The following ADGRG1 variants were observed in gnomAD, a reference collection of about 807,000 sequenced individuals.
ADGRG1 encodes the protein adhesion G protein-coupled receptor G1.
Under a neutral mutation model 73.5 loss-of-function variants are expected in ADGRG1, and 53 were observed. The observed-to-expected ratio is 0.72, with a 90% confidence interval of 0.58 to 0.91. ADGRG1 has a LOEUF of 0.91. Among genes scored for constraint, ADGRG1 ranks in the 40% least tolerant of loss-of-function variants. The pLI is 0.00. For missense variants in ADGRG1, 795 were observed against 871.8 expected (o/e 0.91, Z 1.11); for synonymous variants, 394 against 374.4 (o/e 1.05, Z -0.60).
At chr16:57,630,123 C>A in intron 1 of ADGRG1, 1 of 616,860 alleles carries the variant, frequency 1.6e-6, no homozygotes, top group Non-Finnish European at 2.0e-6. Flanking sequence ...GTGGGTGAGG[C>A]AAATAAGGTA....
chr16:57,627,893 C>G (rs1044899715), upstream of ADGRG1: 2 of 971,466 alleles, frequency 2.1e-6, no homozygotes. Flanking sequence ...TCTGTCTGAG[C>G]TTTTGGGGCC....
chr16:57,655,068 A>T (rs1470465885), intron 5 of ADGRG1: 24 of 985,146 alleles, frequency 2.4e-5, no homozygotes, highest in Non-Finnish European at 2.9e-5. Context: ...GTTAGCTGGG[A>T]ACCACCCACA....
chr16:57,663,092 C>G (rs1462864701), intron 13 of ADGRG1: 2 of 983,884 alleles, frequency 2.0e-6, no homozygotes, highest in African/African-American at 3.5e-5. Flanking sequence ...TTGAGGGGTG[C>G]AAAATCTCAC....
upstream of ADGRG1, chr16:57,627,903 C>G (rs532792540): frequency 5.2e-6 from 5 of 967,002 alleles, no homozygotes; most frequent in African/African-American, 8.8e-5. Context: ...CTTTTGGGGC[C>G]ACTGGGAATG....
intron 1 of ADGRG1, chr16:57,630,206 C>T (rs1431907039): frequency 2.5e-6 from 1 of 395,752 alleles, no homozygotes; most frequent in Non-Finnish European, 3.4e-6. Context: ...CCCGGGCAGC[C>T]TGTTGGCTCC....
intron 10 of ADGRG1, chr16:57,659,176 G>A (rs1215253716): frequency 2.0e-6 from 2 of 985,302 alleles, no homozygotes; most frequent in African/African-American, 3.5e-5. Flanking sequence ...CCTGGCTGAG[G>A]CTTCTGTTAA....
At chr16:57,661,644 G>C in intron 12 of ADGRG1, 53 bp from the exon 13 acceptor site, 1 of 1,578,706 alleles carries the variant, frequency 6.3e-7, no homozygotes, top group Non-Finnish European at 8.6e-7. Flanking sequence ...CCACAGCCCA[G>C]GAAATGCTGC....
intron 2 of ADGRG1, chr16:57,621,429 C>G (rs2034789652): frequency 6.6e-6 from 1 of 152,146 alleles, no homozygotes; most frequent in Non-Finnish European, 1.5e-5. Flanking sequence ...TTATGATTCT[C>G]CCAGTGGGAA....
chr16:57,622,821 T>A (rs2035118678), upstream of ADGRG1: 2 of 985,376 alleles, frequency 2.0e-6, no homozygotes, highest in Non-Finnish European at 2.4e-6. Flanking sequence ...CACCCAGGCA[T>A]GCCTTCCCCG....
At chr16:57,629,891 C>A (rs1478287144) in intron 1 of ADGRG1, 1 of 422,658 alleles carries the variant, frequency 2.4e-6, no homozygotes, top group Non-Finnish European at 3.2e-6. Context: ...TCTCCCTGTG[C>A]CCCACTGGGA....
At chr16:57,654,270 G>A in intron 5 of ADGRG1, 137 bp downstream of exon 5, 2 of 831,410 alleles carry the variant, frequency 2.4e-6, no homozygotes, top group East Asian at 2.7e-5. Context: ...CCAGGCCCGA[G>A]GATAGCCATC....
intron 3 of ADGRG1, among the ~76,000 whole-genome samples, chr16:57,652,494 G>A (rs551222902): frequency 9.5e-4 from 145 of 152,298 alleles, no homozygotes; most frequent in Non-Finnish European, 1.6e-3. Flanking sequence ...ATTCTGCCCC[G>A]CAACCTGGGA....
rs927022146 is a variant in ADGRG1, at chr16:57,629,174, G to C, written c.-36+372G>C. ...TGGTGGTGAAATGGGGAAATGGGGG[G>C]GTCTTGGTATCTTGGTGGGATCTAG... On this transcript the variant is annotated intron_variant, in intron 1 of 13. Coordinates refer to ENST00000562631, the MANE Select transcript of ADGRG1 (RefSeq NM_201525.4). 10 of 984,942 alleles carry C rather than the reference G, an allele frequency of 1.0e-5. No individual in the cohort carries two copies. The African/African-American group carries it at 1.7e-4, about 17-fold the overall frequency. The allele number at this position is 984,942 out of a possible 1,614,324, so 61.0% of individuals were successfully genotyped here. A position where few individuals can be genotyped will look rare whatever the true frequency, so the allele number is the denominator to read the frequency against.
chr16:57,663,905 T>G lies in ADGRG1; in HGVS notation c.*323T>G. On this transcript the variant is annotated 3_prime_UTR_variant, in exon 14 of 14. Transcript: ENST00000562631. Reference sequence around the variant, plus strand: ...TTACAACCCCTGGGCCCAGCCCTCATTGCTGGGGGCCAGGCCTTGGATCTT... The same window carrying G: ...TTACAACCCCTGGGCCCAGCCCTCAGTGCTGGGGGCCAGGCCTTGGATCTT... 9 of 428,980 alleles carry G rather than the reference T, an allele frequency of 2.1e-5. No individual in the cohort carries two copies. The highest frequency in any genetic ancestry group is 9.9e-5 in the East Asian group (2 of 20,194). 26.6% of individuals were successfully genotyped at this position (428,980 alleles called of 1,614,324 possible). A position where few individuals can be genotyped will look rare whatever the true frequency, so the allele number is the denominator to read the frequency against.
At chr16:57,652,562 CT>C (rs1402911035) in intron 3 of ADGRG1, 5 of 904,220 alleles carry the variant, frequency 5.5e-6, no homozygotes, top group Non-Finnish European at 6.6e-6. Flanking sequence ...CCAGACTGAA[CT>C]TGGTCTTGTT....
chr16:57,647,624 A>C, intron 1 of ADGRG1: 1 of 353,934 alleles, frequency 2.8e-6, no homozygotes, highest in South Asian at 1.1e-4. Context: ...CTAGTGAGGG[A>C]GTCAGGATTT....
chr16:57,662,748 C>T (rs1314882393), intron 13 of ADGRG1, among the ~76,000 whole-genome samples: 1 of 152,098 alleles, frequency 6.6e-6, no homozygotes, highest in Non-Finnish European at 1.5e-5. Flanking sequence ...TGGCTTGATG[C>T]CAACAGGGTC....
At position 57,655,318 on chromosome 16, in the gene ADGRG1, G is replaced by GGTGT. The variant is rs34289485; in HGVS notation, c.769-67_769-64dup. ...AAGTGGCAGCGTCCAGGAACGGATG[G>GGTGT]GTGTGTGTGTGTGTGTGCTAGGGTG... On this transcript the variant is annotated intron_variant, in intron 5 of 13. Coordinates refer to ENST00000562631, the MANE Select transcript of ADGRG1 (RefSeq NM_201525.4). 5,660 of 1,526,936 alleles carry GGTGT rather than the reference G, an allele frequency of 3.7e-3. 15 individuals are homozygous for GGTGT. Among genetic ancestry groups the GGTGT allele is most frequent in the African/African-American group, 0.016 (1,148 of 72,168 alleles). The allele number at this position is 1,526,936 out of a possible 1,614,324, so 94.6% of individuals were successfully genotyped here.
Position 57,645,184 on chromosome 16 carries a change from AC to A in ADGRG1, c.-35-5068del, listed in dbSNP as rs1455497105. ...GCTCAGTGTCGTGCCCCAGCAGCCC[AC>A]AGGAGAGCAGCTGCGGACGGGAGGG... On this transcript the variant is annotated intron_variant, in intron 1 of 13. Transcript: ENST00000562631. 13 of 985,252 alleles carry A rather than the reference AC, an allele frequency of 1.3e-5. No homozygotes were observed. In the African/African-American group the frequency reaches 2.3e-4, roughly 17 times the overall value. The allele number at this position is 985,252 out of a possible 1,614,324, so 61.0% of individuals were successfully genotyped here. A position where few individuals can be genotyped will look rare whatever the true frequency, so the allele number is the denominator to read the frequency against.
Sources: gnomAD v4.1 joint callset for allele counts (sites outside exome capture counted in the v4.1 genomes callset) on GRCh38, gnomAD v4.1.1 for gene constraint, MANE v1.5 for transcripts, NCBI Gene and HGNC (gene_info 2026-07-23, HGNC 2026-07-21) for gene names.